SRD5A2: variants seen among roughly 807,000 people sequenced by gnomAD.
SRD5A2 encodes the protein steroid 5 alpha-reductase 2.
A neutral mutation model predicts 27.4 loss-of-function variants in SRD5A2; 30 were observed. The ratio of observed to expected loss-of-function variants is 1.10; its 90% CI spans 0.82 to 1.49. SRD5A2 has a LOEUF of 1.49. SRD5A2 is among the 40% of genes most tolerant of loss of function. The pLI is 0.00. For missense variants in SRD5A2, 348 were observed against 323.4 expected (o/e 1.08, Z -0.58); for synonymous variants, 141 against 133.6 (o/e 1.06, Z -0.38).
At chr2:31,577,545 T>C (rs1666984542) in intron 1 of SRD5A2, among the ~76,000 whole-genome samples, 1 of 152,228 alleles carries the variant, frequency 6.6e-6, no homozygotes, top group East Asian at 1.9e-4. Context: ...GCCATCCTTG[T>C]ATTGAGAAAA....
At chr2:31,574,970 G>A (rs567718431) in intron 1 of SRD5A2, among the ~76,000 whole-genome samples, 1 of 152,282 alleles carries the variant, frequency 6.6e-6, no homozygotes, top group Admixed American at 6.5e-5. Flanking sequence ...TGCTGCAATA[G>A]AGATCATGAC....
chr2:31,562,158 A>G (rs1406474902), intron 1 of SRD5A2, among the ~76,000 whole-genome samples: 1 of 152,126 alleles, frequency 6.6e-6, no homozygotes, highest in Non-Finnish European at 1.5e-5. Context: ...TGCAAAAAGA[A>G]AATTGTGGTT....
the SRD5A2 span, among the ~76,000 whole-genome samples, chr2:31,594,919 A>T: frequency 3.3e-5 from 5 of 152,190 alleles, no homozygotes; most frequent in Non-Finnish European, 7.4e-5. Flanking sequence ...TCAAAACTAT[A>T]CAAATACATG....
the SRD5A2 span, among the ~76,000 whole-genome samples, chr2:31,608,700 T>C: frequency 1.3e-5 from 2 of 151,936 alleles, no homozygotes; most frequent in Non-Finnish European, 2.9e-5. Context: ...TACTTAGATA[T>C]AAATTTAACA....
chr2:31,589,536 G>A, the SRD5A2 span, among the ~76,000 whole-genome samples: 1 of 152,204 alleles, frequency 6.6e-6, no homozygotes, highest in South Asian at 2.1e-4. Context: ...ATTGGGGAAA[G>A]ACTCTCATCT....
At chr2:31,630,134 G>A in the SRD5A2 span, among the ~76,000 whole-genome samples, 1 of 152,162 alleles carries the variant, frequency 6.6e-6, no homozygotes, top group African/African-American at 2.4e-5. Flanking sequence ...CTCCTCCCCT[G>A]ATTTCTACCC....
chr2:31,527,426 T>G (rs1665805321), intron 4 of SRD5A2: 1 of 152,376 alleles, frequency 6.6e-6, no homozygotes, highest in Non-Finnish European at 1.5e-5. Context: ...TGTGAGTGCC[T>G]GGCTTTGTTT....
intron 4 of SRD5A2, among the ~76,000 whole-genome samples, chr2:31,526,580 C>T (rs776123230): frequency 2.0e-5 from 3 of 151,734 alleles, no homozygotes; most frequent in Non-Finnish European, 4.4e-5. Flanking sequence ...GTATATCCTA[C>T]CAGAAAAAAA....
the SRD5A2 span, among the ~76,000 whole-genome samples, chr2:31,642,728 C>T: frequency 2.6e-5 from 4 of 151,930 alleles, no homozygotes; most frequent in African/African-American, 9.7e-5. Context: ...TACATAGAAA[C>T]TTTACTAATA....
At chr2:31,598,873 A>C in the SRD5A2 span, among the ~76,000 whole-genome samples, 9 of 152,066 alleles carry the variant, frequency 5.9e-5, no homozygotes, top group Admixed American at 1.3e-4. Flanking sequence ...AAAGACATAA[A>C]GTAGCTGAAT....
At chr2:31,611,944 G>A in the SRD5A2 span, among the ~76,000 whole-genome samples, 1 of 152,000 alleles carries the variant, frequency 6.6e-6, no homozygotes. Context: ...AACAAGTTGG[G>A]GCATATCCAT....
chr2:31,639,843 C>G, the SRD5A2 span, among the ~76,000 whole-genome samples: 1 of 151,934 alleles, frequency 6.6e-6, no homozygotes, highest in Non-Finnish European at 1.5e-5. Flanking sequence ...TGGGTTGAAT[C>G]TGTTTAGTGT....
At chr2:31,654,631 T>A in the SRD5A2 span, among the ~76,000 whole-genome samples, 1 of 151,988 alleles carries the variant, frequency 6.6e-6, no homozygotes. Context: ...AAATAAATAA[T>A]AATAAATGTT....
chr2:31,583,640 C>CCAAA (rs1667124357), upstream of SRD5A2, among the ~76,000 whole-genome samples: 1 of 18,408 alleles, frequency 5.4e-5, no homozygotes, highest in African/African-American at 1.8e-4. Context: ...AAAAAAAAAG[C>CCAAA]AAAAAAAAAA....
At chr2:31,527,295 C>T (rs927139160) in intron 4 of SRD5A2, among the ~76,000 whole-genome samples, 2 of 152,164 alleles carry the variant, frequency 1.3e-5, no homozygotes, top group African/African-American at 2.4e-5. Flanking sequence ...CAAGATGACA[C>T]ACTGTATTAA....
chr2:31,592,779 C>T, the SRD5A2 span, among the ~76,000 whole-genome samples: 1 of 152,174 alleles, frequency 6.6e-6, no homozygotes, highest in Non-Finnish European at 1.5e-5. Context: ...AACAAGATTC[C>T]ATAACACCCC....
intron 1 of SRD5A2, among the ~76,000 whole-genome samples, chr2:31,545,795 T>A (rs1313395934): frequency 6.6e-6 from 1 of 152,204 alleles, no homozygotes; most frequent in Admixed American, 6.5e-5. Context: ...GATGATATGA[T>A]CATGTGTCTA....
chr2:31,527,997 A>T (rs942579030), intron 4 of SRD5A2, among the ~76,000 whole-genome samples: 4 of 152,184 alleles, frequency 2.6e-5, no homozygotes, highest in African/African-American at 9.6e-5. Flanking sequence ...TAGGGAAAGG[A>T]TCTGACATTT....
chr2:31,539,420 A>C (rs1666088239), intron 1 of SRD5A2, among the ~76,000 whole-genome samples: 1 of 152,200 alleles, frequency 6.6e-6, no homozygotes, highest in South Asian at 2.1e-4. Context: ...CACCACAGAA[A>C]AACTGGCTCA....
Sources: gnomAD v4.1 joint callset for allele counts (sites outside exome capture counted in the v4.1 genomes callset) on GRCh38, gnomAD v4.1.1 for gene constraint, MANE v1.5 for transcripts, NCBI Gene and HGNC (gene_info 2026-07-23, HGNC 2026-07-21) for gene names.